Variants in SLC4A10 observed in about 807,000 individuals in gnomAD.
The protein encoded by SLC4A10 is sodium-driven chloride bicarbonate exchanger.
SLC4A10 carries 42 observed loss-of-function variants against 137.7 expected under a neutral mutation model. The observed-to-expected ratio is 0.30, with a 90% CI of 0.24 to 0.39. The LOEUF is 0.39. Among genes scored for constraint, SLC4A10 ranks in the 10% least tolerant of loss-of-function variants. The pLI, the probability that SLC4A10 is intolerant of heterozygous loss-of-function variation, is 1.00. For synonymous variants in SLC4A10, 474 were observed against 464.1 expected, an observed-to-expected ratio of 1.02 and a Z score of -0.27; for missense variants, 925 against 1,355.0, an observed-to-expected ratio of 0.68 and a Z score of 4.98.
chr2:161,870,211 T>G (rs1466812655), intron 6 of SLC4A10, among the ~76,000 whole-genome samples: 3 of 151,468 alleles, frequency 2.0e-5, no homozygotes, highest in African/African-American at 7.2e-5. Context: ...TATTAATATT[T>G]TAAACATACT....
At chr2:161,873,115 T>C (rs552920706) in intron 7 of SLC4A10, among the ~76,000 whole-genome samples, 3 of 152,160 alleles carry the variant, frequency 2.0e-5, no homozygotes, top group African/African-American at 4.8e-5. Context: ...GAATTGTTAA[T>C]GTAATTAAGG....
intron 1 of SLC4A10, among the ~76,000 whole-genome samples, chr2:161,756,722 A>G (rs942008650): frequency 2.6e-5 from 4 of 152,146 alleles, no homozygotes; most frequent in South Asian, 4.1e-4. Flanking sequence ...TTGGGTCATC[A>G]CTATTTCTCT....
At chr2:161,649,388 G>A (rs2036497815) in intron 1 of SLC4A10, among the ~76,000 whole-genome samples, 1 of 152,118 alleles carries the variant, frequency 6.6e-6, no homozygotes, top group South Asian at 2.1e-4. Context: ...CCAATCTAAT[G>A]ATTGAAAAAC....
intron 10 of SLC4A10, among the ~76,000 whole-genome samples, chr2:161,893,306 T>C (rs1455039572): frequency 6.6e-6 from 1 of 152,070 alleles, no homozygotes; most frequent in Admixed American, 6.6e-5. Flanking sequence ...ATACTTTGAG[T>C]GGAAATGAAC....
intron 1 of SLC4A10, among the ~76,000 whole-genome samples, chr2:161,662,639 C>T (rs1019559054): frequency 1.3e-5 from 2 of 152,104 alleles, no homozygotes; most frequent in African/African-American, 2.4e-5. Flanking sequence ...AAATTGAAAC[C>T]AGTACATTTC....
intron 1 of SLC4A10, among the ~76,000 whole-genome samples, chr2:161,743,408 TATCAAA>T (rs2048106451): frequency 6.6e-6 from 1 of 152,212 alleles, no homozygotes; most frequent in Non-Finnish European, 1.5e-5. Context: ...TTGGCACCAT[TATCAAA>T]AATGAGTTCA....
intron 2 of SLC4A10, among the ~76,000 whole-genome samples, chr2:161,802,377 A>G (rs1034158007): frequency 6.6e-6 from 1 of 152,110 alleles, no homozygotes; most frequent in Admixed American, 6.6e-5. Context: ...TAAAAAATAA[A>G]TATTTTCTTT....
intron 1 of SLC4A10, among the ~76,000 whole-genome samples, chr2:161,703,479 T>G (rs937586414): frequency 2.6e-5 from 4 of 151,858 alleles, no homozygotes; most frequent in African/African-American, 9.6e-5. Flanking sequence ...AATGGTTATC[T>G]CTGTATAATG....
At chr2:161,880,953 G>T (rs1228417688) in intron 9 of SLC4A10, among the ~76,000 whole-genome samples, 1 of 152,018 alleles carries the variant, frequency 6.6e-6, no homozygotes, top group Non-Finnish European at 1.5e-5. Flanking sequence ...AAAACTGTCA[G>T]GTTTAAGTGA....
chr2:161,808,970 T>G (rs1197552790), intron 3 of SLC4A10, among the ~76,000 whole-genome samples: 1 of 152,112 alleles, frequency 6.6e-6, no homozygotes, highest in Non-Finnish European at 1.5e-5. Flanking sequence ...TCTGTTTTAA[T>G]TTCTTTGATA....
chr2:161,766,802 T>A (rs1387515142), intron 1 of SLC4A10, among the ~76,000 whole-genome samples: 1 of 151,884 alleles, frequency 6.6e-6, no homozygotes, highest in South Asian at 2.1e-4. Flanking sequence ...AGCAAAGCAA[T>A]GGCTGTGAAT....
chr2:161,923,410 A>G (rs62188852), intron 15 of SLC4A10, among the ~76,000 whole-genome samples: 10,206 of 152,198 alleles, frequency 0.067, 450 homozygotes, highest in East Asian at 0.13. Context: ...GATAGTAACA[A>G]TAATAAATAA....
intron 15 of SLC4A10, among the ~76,000 whole-genome samples, chr2:161,926,255 A>G (rs1689055445): frequency 6.7e-6 from 1 of 149,434 alleles, no homozygotes; most frequent in Non-Finnish European, 1.5e-5. Flanking sequence ...ATACATATAT[A>G]TTTAGGATAG....
chr2:161,627,211 A>T (rs1036303819), intron 1 of SLC4A10, among the ~76,000 whole-genome samples: 2 of 152,142 alleles, frequency 1.3e-5, no homozygotes, highest in African/African-American at 2.4e-5. Context: ...GTAGATATTG[A>T]GAGGATGTAT....
At chr2:161,747,146 C>T (rs1033297555) in intron 1 of SLC4A10, among the ~76,000 whole-genome samples, 1 of 152,122 alleles carries the variant, frequency 6.6e-6, no homozygotes, top group African/African-American at 2.4e-5. Flanking sequence ...GAATTGCAGC[C>T]CTTGTAGCCT....
chr2:161,870,724 G>A (rs1221361455), intron 6 of SLC4A10, among the ~76,000 whole-genome samples: 1 of 151,850 alleles, frequency 6.6e-6, no homozygotes, highest in African/African-American at 2.4e-5. Flanking sequence ...GCTGCACATT[G>A]TGGTTAGAAA....
At chr2:161,908,547 T>G (rs1428446447) in intron 15 of SLC4A10, among the ~76,000 whole-genome samples, 5 of 150,480 alleles carry the variant, frequency 3.3e-5, no homozygotes, top group Non-Finnish European at 5.9e-5. Context: ...GTAACAAACC[T>G]GCACGTTGTG....
intron 3 of SLC4A10, among the ~76,000 whole-genome samples, chr2:161,835,155 A>G (rs1410502249): frequency 6.6e-6 from 1 of 151,430 alleles, no homozygotes; most frequent in Non-Finnish European, 1.5e-5. Context: ...CTTCTGCCTC[A>G]GTCTCCTGAG....
At chr2:161,952,872 C>A (rs990491884) in intron 19 of SLC4A10, among the ~76,000 whole-genome samples, 23 of 152,304 alleles carry the variant, frequency 1.5e-4, no homozygotes, top group African/African-American at 5.5e-4. Context: ...ATGTTATTTA[C>A]TCAGAGTAAC....
Sources: gnomAD v4.1 joint callset for allele counts (sites outside exome capture counted in the v4.1 genomes callset) on GRCh38, gnomAD v4.1.1 for gene constraint, MANE v1.5 for transcripts, NCBI Gene and HGNC (gene_info 2026-07-23, HGNC 2026-07-21) for gene names.